MTA3: variants seen among roughly 807,000 people sequenced by gnomAD.
MTA3 encodes metastasis-associated protein MTA3.
In MTA3, 34 loss-of-function variants were observed where a neutral mutation model predicts 83.5. The observed-to-expected ratio is 0.41, with a 90% CI of 0.31 to 0.54. MTA3 has a LOEUF of 0.54. MTA3 is among the 20% of genes least tolerant of loss of function. The pLI is 0.33. For synonymous variants in MTA3, 303 were observed against 252.7 expected (o/e 1.20, Z -1.89); for missense variants, 761 against 726.4 (o/e 1.05, Z -0.55).
chr2:42,632,386 A>T (rs1358367270), intron 4 of MTA3, among the ~76,000 whole-genome samples: 2 of 151,944 alleles, frequency 1.3e-5, no homozygotes, highest in Non-Finnish European at 2.9e-5. Context: ...CACCGCGCCC[A>T]GCCCCCAGCT....
intron 3 of MTA3, among the ~76,000 whole-genome samples, chr2:42,598,365 T>G (rs751294619): frequency 5.3e-5 from 8 of 152,202 alleles, no homozygotes; most frequent in Admixed American, 1.3e-4. Context: ...GCGCCTGGCC[T>G]TCACTACTTC....
chr2:42,640,270 TC>T, intron 5 of MTA3, 34 bp downstream of exon 5: 1 of 1,440,318 alleles, frequency 6.9e-7, no homozygotes. Context: ...TGTTTTTTTC[TC>T]CCTTTATTTC....
At chr2:42,589,450 A>C (rs1680711132) in intron 3 of MTA3, among the ~76,000 whole-genome samples, 1 of 152,238 alleles carries the variant, frequency 6.6e-6, no homozygotes, top group South Asian at 2.1e-4. Context: ...CTGACAAACC[A>C]GGCAGCTAAA....
intron 2 of MTA3, among the ~76,000 whole-genome samples, chr2:42,528,366 C>T (rs1045714061): frequency 2.0e-5 from 3 of 151,956 alleles, no homozygotes; most frequent in African/African-American, 7.3e-5. Context: ...ATTACAGGCA[C>T]CTGCCACCAC....
In MTA3 at chr2:42,577,088, A is replaced by C. The variant is rs2103859949; in HGVS notation, c.97-2019A>C. 1.7e-4 allele frequency among the ~76,000 whole-genome samples: 4 copies of C among 24,242 alleles called. No individual in the cohort carries two copies. The Middle Eastern group carries it at 0.083, about 505-fold the overall frequency. The allele number at this position is 24,242 out of a possible 152,430, so 15.9% of individuals were successfully genotyped here. A position where few individuals can be genotyped will look rare whatever the true frequency, so the allele number is the denominator to read the frequency against. On this transcript the variant is annotated intron_variant, in intron 2 of 16. Coordinates refer to ENST00000405094, the MANE Select transcript of MTA3 (RefSeq NM_001330442.2). ...AAGCCTGGCAACAGAATGGTACTCCATCTAAAAAAAAAAAAAAATATATAT... is the reference window on the plus strand; with the variant it reads ...AAGCCTGGCAACAGAATGGTACTCCCTCTAAAAAAAAAAAAAAATATATAT...
intron 3 of MTA3, among the ~76,000 whole-genome samples, chr2:42,593,408 A>G (rs945164108): frequency 1.6e-4 from 25 of 152,168 alleles, no homozygotes; most frequent in African/African-American, 5.3e-4. Context: ...GTCATTATCT[A>G]TGTCAAGTGT....
At chr2:42,601,156 T>C (rs1682525811) in intron 3 of MTA3, among the ~76,000 whole-genome samples, 1 of 152,180 alleles carries the variant, frequency 6.6e-6, no homozygotes, top group South Asian at 2.1e-4. Context: ...CTACCCGCCT[T>C]GGCCTCCCAA....
chr2:42,570,468 C>G lies in MTA3; in HGVS notation c.60C>G (p.Asn20Lys), dbSNP rs762172314. The G allele has an allele frequency of 2.6e-6, 4 of 1,546,076 alleles. No homozygotes were observed. Among genetic ancestry groups the G allele is most frequent in the Non-Finnish European group, 3.5e-6 (4 of 1,137,576 alleles). ...TCTACTTTGAGAATTCCTCCAGCAA[C>G]CCATACCTAATAAGAAGGATAGAAG... ...DYVYFENSSS[N>K]PYLIRRIEEL... is the part of the protein sequence containing the mutation. Residue 20 changes from asparagine to lysine, a missense_variant, in exon 2 of 17, where the codon AAC becomes AAG. Asn to Lys is a moderately conservative substitution (Grantham distance 94). Transcript: ENST00000405094.
intron 2 of MTA3, among the ~76,000 whole-genome samples, chr2:42,537,913 G>A (rs542227275): frequency 3.9e-4 from 59 of 152,124 alleles, no homozygotes; most frequent in African/African-American, 1.3e-3. Context: ...CCTGACTTCC[G>A]GGTAGTTCAG....
At chr2:42,508,100 C>G (rs1413856467) in intron 2 of MTA3, among the ~76,000 whole-genome samples, 1 of 152,154 alleles carries the variant, frequency 6.6e-6, no homozygotes, top group Non-Finnish European at 1.5e-5. Flanking sequence ...CTGCTGTTCC[C>G]TCTGCCTAGA....
At chr2:42,602,068 T>C (rs1340012240) in intron 3 of MTA3, among the ~76,000 whole-genome samples, 2 of 152,232 alleles carry the variant, frequency 1.3e-5, no homozygotes, top group African/African-American at 4.8e-5. Context: ...CTCGAACTCC[T>C]GACCTCAGGT....
At chr2:42,745,913 A>G (rs529901687) in intron 16 of MTA3, among the ~76,000 whole-genome samples, 1 of 148,154 alleles carries the variant, frequency 6.7e-6, no homozygotes, top group African/African-American at 2.5e-5. Flanking sequence ...TCCCTGGTTC[A>G]AGCGATTCTC....
chr2:42,663,076 C>G (rs1276202585), intron 8 of MTA3, among the ~76,000 whole-genome samples: 1 of 152,156 alleles, frequency 6.6e-6, no homozygotes, highest in Non-Finnish European at 1.5e-5. Flanking sequence ...TTAGTTTTAC[C>G]CTAATGTTGC....
At chr2:42,590,184 T>C (rs962206570) in intron 3 of MTA3, among the ~76,000 whole-genome samples, 5 of 152,154 alleles carry the variant, frequency 3.3e-5, no homozygotes, top group Non-Finnish European at 7.3e-5. Flanking sequence ...GTGGTTTGGA[T>C]GTTGTGCCCT....
Position 42,719,203 on chromosome 2 carries a change from A to G in MTA3, c.1612+129A>G, listed in dbSNP as rs117090263. On this transcript the variant is annotated intron_variant, in intron 15 of 16. Coordinates refer to ENST00000405094, the MANE Select transcript of MTA3 (RefSeq NM_001330442.2). ...AATAGCCGAAATTGGATACCTTTAT[A>G]TAGTCAGTTTATTTTGTTTCAGAAA... The G allele has an allele frequency of 1.7e-3, 1,103 of 633,994 alleles. 14 individuals carry two copies. In the East Asian group the frequency reaches 0.026, roughly 15 times the overall value. 39.3% of individuals were successfully genotyped at this position (633,994 alleles called of 1,614,324 possible). A position where few individuals can be genotyped will look rare whatever the true frequency, so the allele number is the denominator to read the frequency against.
intron 2 of MTA3, among the ~76,000 whole-genome samples, chr2:42,573,869 A>C (rs1678753355): frequency 6.6e-6 from 1 of 150,914 alleles, no homozygotes; most frequent in African/African-American, 2.4e-5. Flanking sequence ...ACCAGGCTAG[A>C]GTGCAGTGGC....
At chr2:42,599,351 T>C (rs1292387221) in intron 3 of MTA3, among the ~76,000 whole-genome samples, 1 of 152,040 alleles carries the variant, frequency 6.6e-6, no homozygotes, top group African/African-American at 2.4e-5. Flanking sequence ...TCCCAGCACT[T>C]TGGGAGGCCG....
chr2:42,693,944 C>T lies in MTA3; in HGVS notation c.892-1821C>T, dbSNP rs112849966. 3.8e-3 allele frequency among the ~76,000 whole-genome samples: 581 copies of T among 151,790 alleles called. 3 individuals carry two copies. Among genetic ancestry groups the T allele is most frequent in the African/African-American group, 0.012 (509 of 41,372 alleles). ...TACCCAGGCATTGCTGCTGGTTACT[C>T]GGGGCCCATGGGCTCTTTAGTCAGC... On this transcript the variant is annotated intron_variant, in intron 9 of 16. Transcript: ENST00000405094.
chr2:42,566,017 A>AT (rs1449772446), upstream of MTA3, among the ~76,000 whole-genome samples: 3 of 151,672 alleles, frequency 2.0e-5, no homozygotes, highest in Non-Finnish European at 4.4e-5. Flanking sequence ...CTCAAAAAAA[A>AT]TTTTTTTTTC....
Sources: gnomAD v4.1 joint callset for allele counts (sites outside exome capture counted in the v4.1 genomes callset) on GRCh38, gnomAD v4.1.1 for gene constraint, MANE v1.5 for transcripts, NCBI Gene and HGNC (gene_info 2026-07-23, HGNC 2026-07-21) for gene names.